The following DNAJA4 variants were observed in gnomAD, a reference collection of about 807,000 sequenced individuals.
The protein encoded by DNAJA4 is dnaJ homolog subfamily A member 4.
DNAJA4 carries 32 observed loss-of-function variants against 39.7 expected under a neutral mutation model. That is an observed-to-expected ratio of 0.81 (90% CI 0.61 to 1.08). The LOEUF (loss-of-function observed/expected upper bound fraction) is 1.08. Among genes scored for constraint, DNAJA4 ranks in the 50% least tolerant of loss-of-function variants. The pLI, the probability that DNAJA4 is intolerant of heterozygous loss-of-function variation, is 0.00. For synonymous variants in DNAJA4, 184 were observed against 182.4 expected (o/e 1.01, Z -0.07); for missense variants, 439 against 505.1 (o/e 0.87, Z 1.25).
At chr15:78,267,145 T>TATGTGA (rs1555438013) in intron 1 of DNAJA4, among the ~76,000 whole-genome samples, 12 of 95,584 alleles carry the variant, frequency 1.3e-4, no homozygotes, top group African/African-American at 3.5e-4. Flanking sequence ...TATGTGAGTG[T>TATGTGA]GTGTGTGAGT....
At chr15:78,266,144 C>A in intron 1 of DNAJA4, 1 of 1,321,208 alleles carries the variant, frequency 7.6e-7, no homozygotes, top group Non-Finnish European at 1.1e-6. Flanking sequence ...GTGATTCATC[C>A]ACCTGCTCCC....
At chr15:78,264,272 AG>A, upstream of DNAJA4, 1 of 1,308,650 alleles carries the variant, frequency 7.6e-7, no homozygotes, top group Admixed American at 3.9e-5. Flanking sequence ...CAGTTGTCGG[AG>A]GGCGCCCTCC....
At chr15:78,267,859 A>C (rs1387704627) in intron 1 of DNAJA4, among the ~76,000 whole-genome samples, 1 of 152,222 alleles carries the variant, frequency 6.6e-6, no homozygotes, top group African/African-American at 2.4e-5. Flanking sequence ...GTAGTCTTCA[A>C]AGCCATTTTC....
At chr15:78,280,201 G>A (rs778523363) in intron 6 of DNAJA4, 44 bp from the exon 7 acceptor site, 2 of 1,610,348 alleles carry the variant, frequency 1.2e-6, no homozygotes, top group South Asian at 2.2e-5. Context: ...TTAATTGGAA[G>A]GGGAAAAAAC....
Position 78,273,135 on chromosome 15 carries a change from T to G in DNAJA4, c.354T>G (p.Asp118Glu), listed in dbSNP as rs2049349539. 1 of 1,606,282 alleles carries G rather than the reference T, an allele frequency of 6.2e-7. No individual in the cohort carries two copies. Among genetic ancestry groups the G allele is most frequent in the Middle Eastern group, 1.7e-4 (1 of 6,052 alleles). The part of the protein sequence containing the change: ...VVHQLSVTLE[D>E]LYNGVTKKLA... The stretch of plus-strand genomic sequence containing the variant: ...ACCAGTTATCTGTAACTCTTGAAGA[T>G]CTATATAATGGAGTCACGAAGAAAT... Residue 118 changes from aspartate (D) to glutamate (E), a missense_variant, in exon 3 of 7, where the codon GAT (aspartate) becomes GAG (glutamate). Asp to Glu is a conservative substitution (Grantham distance 45). Coordinates refer to ENST00000394852, the MANE Select transcript of DNAJA4 (RefSeq NM_001130182.2).
At position 78,280,274 on chromosome 15, in the gene DNAJA4, T is replaced by C. The variant is rs765335788; in HGVS notation, c.1008T>C (p.Ser336=). 3 of 1,614,132 alleles carry C rather than the reference T, an allele frequency of 1.9e-6. No individual in the cohort carries two copies. The highest frequency in any genetic ancestry group is 1.1e-5 in the South Asian group (1 of 91,084). ...LVIFPEKHWL[S]LEKLPQLEAL... ...TCTTTCCTGAAAAACACTGGCTTTC[T>C]CTGGAAAAGCTTCCTCAGCTGGAAG... The change falls in exon 7 of 7, where the codon TCT becomes TCC. Residue 336 remains serine, a synonymous_variant. Coordinates refer to ENST00000394852, the MANE Select transcript of DNAJA4 (RefSeq NM_001130182.2).
intron 1 of DNAJA4, among the ~76,000 whole-genome samples, chr15:78,267,327 T>G (rs1401616423): frequency 6.6e-6 from 1 of 152,208 alleles, no homozygotes; most frequent in Non-Finnish European, 1.5e-5. Context: ...CACCAGTTCT[T>G]TACCCCTTGC....
At chr15:78,268,628 T>C (rs1462278255) in intron 1 of DNAJA4, among the ~76,000 whole-genome samples, 1 of 152,230 alleles carries the variant, frequency 6.6e-6, no homozygotes, top group Non-Finnish European at 1.5e-5. Flanking sequence ...TATATATCCA[T>C]ATTTGTCTCT....
Position 78,279,811 on chromosome 15 carries a change from CTT to C in DNAJA4, c.878-233_878-232del, listed in dbSNP as rs1454081760. 1.7e-6 allele frequency: 1 copy of C among 583,604 alleles called. No individual in the cohort carries two copies. Among genetic ancestry groups the C allele is most frequent in the Non-Finnish European group, 3.0e-6 (1 of 328,124 alleles). The allele number at this position is 583,604 out of a possible 1,614,324, so 36.2% of individuals were successfully genotyped here. On this transcript the variant is annotated intron_variant, in intron 5 of 6. Transcript: ENST00000394852. The surrounding 1 kb of genome is among the most constrained non-coding windows in gnomAD (Gnocchi z 4.5). ...GATGGCAGCTGCACCATGCTGCCCT[CTT>C]GACACACTGCTGGAGCCCAGAGCAC...
intron 1 of DNAJA4, chr15:78,266,180 C>A: frequency 6.3e-7 from 1 of 1,584,742 alleles, no homozygotes; most frequent in Non-Finnish European, 8.6e-7. Context: ...CCGCTTCTGA[C>A]AGTCTCCTTT....
At chr15:78,267,449 G>A (rs571405772) in intron 1 of DNAJA4, among the ~76,000 whole-genome samples, 1 of 150,102 alleles carries the variant, frequency 6.7e-6, no homozygotes, top group Non-Finnish European at 1.5e-5. Flanking sequence ...TATGGAGTCT[G>A]TACTTCTCTG....
At chr15:78,275,760 T>G in intron 5 of DNAJA4, 32 bp downstream of exon 5, 7 of 1,480,602 alleles carry the variant, frequency 4.7e-6, no homozygotes, top group Non-Finnish European at 6.5e-6. Flanking sequence ...CCATTGATGT[T>G]CTGTATGTTT....
chr15:78,264,260 G>A, upstream of DNAJA4: 3 of 1,264,754 alleles, frequency 2.4e-6, no homozygotes, highest in Non-Finnish European at 3.1e-6. Context: ...GGGGCGGCGG[G>A]ACAGTTGTCG....
intron 2 of DNAJA4, among the ~76,000 whole-genome samples, chr15:78,271,816 C>T (rs1443877257): frequency 6.6e-6 from 1 of 152,132 alleles, no homozygotes; most frequent in African/African-American, 2.4e-5. Flanking sequence ...GATAACCAAG[C>T]GTATTACAAT....
intron 1 of DNAJA4, chr15:78,265,801 C>T (rs182249812): frequency 1.8e-5 from 11 of 627,380 alleles, no homozygotes; most frequent in Non-Finnish European, 2.9e-5. Context: ...GAGGTGGGGC[C>T]GTTATAGTAG....
At chr15:78,269,879 GTCTT>G (rs2049246316) in intron 1 of DNAJA4, 1 of 152,098 alleles carries the variant, frequency 6.6e-6, no homozygotes, top group South Asian at 2.1e-4. Flanking sequence ...TATTGTGTCT[GTCTT>G]AGGGTACTGG....
At position 78,278,826 on chromosome 15, in the gene DNAJA4, AT is replaced by A. The variant is rs33990133; in HGVS notation, c.878-1195del. Among the ~76,000 whole-genome samples, 197 of 87,486 alleles carry A rather than the reference AT, an allele frequency of 2.3e-3. 2 individuals are homozygous for A. The highest frequency in any genetic ancestry group is 6.8e-3 in the African/African-American group (144 of 21,038). The allele number at this position is 87,486 out of a possible 152,430, so 57.4% of individuals were successfully genotyped here. A position where few individuals can be genotyped will look rare whatever the true frequency, so the allele number is the denominator to read the frequency against. On this transcript the variant is annotated intron_variant, in intron 5 of 6. Coordinates refer to ENST00000394852, the MANE Select transcript of DNAJA4 (RefSeq NM_001130182.2). ...ACCACCATTCCTGGCTAGTTTTTCT[AT>A]TTTTTTTTTTTTTTTTTTTTTTTAG...
Position 78,273,163 on chromosome 15 carries a change from GC to G in DNAJA4, c.385del (p.Leu129SerfsTer5). 2 of 1,604,960 alleles carry G rather than the reference GC, an allele frequency of 1.2e-6. No individual in the cohort carries two copies. Among genetic ancestry groups the G allele is most frequent in the Non-Finnish European group, 1.7e-6 (2 of 1,171,598 alleles). On this transcript the variant is annotated frameshift_variant, in exon 3 of 7. Transcript: ENST00000394852. LOFTEE classifies it high-confidence loss of function. ...DLYNGVTKKL[A>X]LQKNVICEKC... ...ATATAATGGAGTCACGAAGAAATTG[GC>G]CCTCCAGAAAAATGTAATTTGTGAG... is the stretch of plus-strand genomic sequence containing the variant.
In DNAJA4 at chr15:78,280,471, G is replaced by A. The variant is rs944497569; in HGVS notation, c.*11G>A. ...TGCCAGACGGCATGACGTGGTGCGG[G>A]GCAGCGTGGCCCCACCGGACTAGCA... On this transcript the variant is annotated 3_prime_UTR_variant, in exon 7 of 7. Transcript: ENST00000394852. The A allele has an allele frequency of 2.5e-6, 4 of 1,597,732 alleles. No individual in the cohort carries two copies. Among genetic ancestry groups the A allele is most frequent in the Non-Finnish European group, 2.6e-6 (3 of 1,171,028 alleles).
Sources: gnomAD v4.1 joint callset for allele counts (sites outside exome capture counted in the v4.1 genomes callset) on GRCh38, gnomAD v4.1.1 for gene constraint, Gnocchi (gnomAD v3.1) non-coding constraint, MANE v1.5 for transcripts, NCBI Gene and HGNC (gene_info 2026-07-23, HGNC 2026-07-21) for gene names.